The following TECRL variants were observed in gnomAD, a reference collection of about 807,000 sequenced individuals.
TECRL encodes trans-2,3-enoyl-CoA reductase-like.
Under a neutral mutation model 52.8 loss-of-function variants are expected in TECRL, and 63 were observed. That is an observed-to-expected ratio of 1.19 (90% CI 0.97 to 1.47). The LOEUF (loss-of-function observed/expected upper bound fraction) is 1.47, where lower values mean the gene tolerates loss of function less well. Ranked by LOEUF, TECRL falls within the 40% of genes most tolerant of loss-of-function variation. TECRL has a pLI of 0.00. For missense variants in TECRL, 482 were observed against 429.6 expected, an observed-to-expected ratio of 1.12 and a Z score of -1.08; for synonymous variants, 164 against 141.9, an observed-to-expected ratio of 1.16 and a Z score of -1.10.
At chr4:64,320,770 T>C (rs1717845189) in intron 4 of TECRL, among the ~76,000 whole-genome samples, 2 of 152,086 alleles carry the variant, frequency 1.3e-5, no homozygotes, top group South Asian at 4.1e-4. Flanking sequence ...CAAACACTCT[T>C]TTCTAAAATC....
chr4:64,406,135 TTTTA>T (rs1342701508), intron 1 of TECRL, among the ~76,000 whole-genome samples: 1 of 141,504 alleles, frequency 7.1e-6, no homozygotes, highest in Non-Finnish European at 1.5e-5. Context: ...GAGAAAGCTT[TTTTA>T]TTTGTTAGGC....
intron 4 of TECRL, among the ~76,000 whole-genome samples, chr4:64,316,653 CA>C (rs1717512907): frequency 6.6e-6 from 1 of 152,092 alleles, no homozygotes; most frequent in Non-Finnish European, 1.5e-5. Context: ...CAAATACAAT[CA>C]AGTAAACAGA....
In TECRL at chr4:64,305,210, G is replaced by A; in HGVS notation, c.686C>T (p.Ser229Phe). 4 of 1,612,596 alleles carry A rather than the reference G, an allele frequency of 2.5e-6. No individual in the cohort carries two copies. The highest frequency in any genetic ancestry group is 3.4e-6 in the Non-Finnish European group (4 of 1,179,144). The change falls in exon 7 of 12, where the codon TCT (serine) becomes TTT (phenylalanine). Residue 229 changes from serine (S) to phenylalanine (F), a missense_variant. Ser to Phe is a radical substitution (Grantham distance 155). Transcript: ENST00000381210. ...ATGATTAATGTAGTAGGCAATCCAA[G>A]AAGTAAATCCCCAGTAAAAGGCACA... ...MSCAFYWGFT[S>F]WIAYYINHPL...
At chr4:64,378,205 G>A (rs1270890349) in intron 1 of TECRL, among the ~76,000 whole-genome samples, 1 of 152,042 alleles carries the variant, frequency 6.6e-6, no homozygotes, top group Non-Finnish European at 1.5e-5. Flanking sequence ...GAAAATTGCC[G>A]AAAGAATCAC....
rs528646115 is a variant in TECRL, at chr4:64,399,694, A to T, written c.234+9424T>A. ...CAAAGGGACTTATGTACAGCTTGGG[A>T]TGCTGCTTCAGGGAGTGTAAGTGGT... On this transcript the variant is annotated intron_variant, in intron 1 of 11. Transcript: ENST00000381210. 1.2e-3 allele frequency among the ~76,000 whole-genome samples: 177 copies of T among 152,304 alleles called. 1 individual carries two copies. The highest frequency in any genetic ancestry group is 2.2e-3 in the Non-Finnish European group (153 of 68,028).
chr4:64,339,862 CG>C (rs1719428127), intron 2 of TECRL, among the ~76,000 whole-genome samples: 1 of 152,144 alleles, frequency 6.6e-6, no homozygotes, highest in African/African-American at 2.4e-5. Flanking sequence ...ACTATTTTCA[CG>C]ATCATAAATT....
intron 1 of TECRL, among the ~76,000 whole-genome samples, chr4:64,400,502 G>C (rs1384301905): frequency 6.6e-6 from 1 of 152,066 alleles, no homozygotes; most frequent in African/African-American, 2.4e-5. Flanking sequence ...GATTTTGGAG[G>C]GACCAAGGGC....
At chr4:64,335,796 T>C (rs2110061607) in intron 2 of TECRL, among the ~76,000 whole-genome samples, 1 of 151,320 alleles carries the variant, frequency 6.6e-6, no homozygotes. Context: ...TCTTATTAAA[T>C]GCTGCTTCAA....
chr4:64,314,334 G>T (rs146420393), intron 5 of TECRL, among the ~76,000 whole-genome samples: 146 of 151,870 alleles, frequency 9.6e-4, no homozygotes, highest in African/African-American at 3.5e-3. Flanking sequence ...TTTCAATTTT[G>T]TAATTGTAAA....
chr4:64,296,021 G>C (rs1180049091), intron 8 of TECRL, among the ~76,000 whole-genome samples: 1 of 151,944 alleles, frequency 6.6e-6, no homozygotes, highest in Non-Finnish European at 1.5e-5. Flanking sequence ...AACACACAGA[G>C]TACTAGACTT....
intron 1 of TECRL, among the ~76,000 whole-genome samples, chr4:64,381,310 A>G (rs936272724): frequency 2.0e-5 from 3 of 151,574 alleles, no homozygotes; most frequent in Non-Finnish European, 1.5e-5. Flanking sequence ...ATGTTATTAC[A>G]TATATAAGAT....
At chr4:64,295,839 C>A (rs531916723) in intron 8 of TECRL, among the ~76,000 whole-genome samples, 1 of 151,808 alleles carries the variant, frequency 6.6e-6, no homozygotes, top group Non-Finnish European at 1.5e-5. Context: ...GAGTGAAGCA[C>A]AATATTGCCA....
chr4:64,305,858 A>G (rs927435461), intron 6 of TECRL, among the ~76,000 whole-genome samples: 1 of 152,120 alleles, frequency 6.6e-6, no homozygotes, highest in African/African-American at 2.4e-5. Context: ...TTTGCCACAT[A>G]AAAGACTGAG....
chr4:64,356,261 C>T (rs556146033), intron 2 of TECRL, among the ~76,000 whole-genome samples: 8 of 152,190 alleles, frequency 5.3e-5, no homozygotes, highest in South Asian at 2.1e-4. Context: ...TCCTGGGATG[C>T]GAAAGACCTG....
chr4:64,383,653 A>T, intron 1 of TECRL, among the ~76,000 whole-genome samples: 1 of 150,436 alleles, frequency 6.6e-6, no homozygotes, highest in African/African-American at 2.4e-5. Flanking sequence ...TGTTTTTCTG[A>T]TTTATTTGTA....
chr4:64,287,904 T>C (rs2109940848), intron 9 of TECRL, among the ~76,000 whole-genome samples: 1 of 152,228 alleles, frequency 6.6e-6, no homozygotes, highest in East Asian at 1.9e-4. Context: ...CCCAGCACTT[T>C]GGGAGGCCGA....
chr4:64,330,788 A>G (rs1341016849), intron 2 of TECRL, among the ~76,000 whole-genome samples: 1 of 152,134 alleles, frequency 6.6e-6, no homozygotes, highest in Non-Finnish European at 1.5e-5. Context: ...CAAGAAAAAC[A>G]GAATTATATT....
chr4:64,289,747 A>G lies in TECRL; in HGVS notation c.795T>C (p.His265=), dbSNP rs1321246613. 3 of 1,550,144 alleles carry G rather than the reference A, an allele frequency of 1.9e-6. No homozygotes were observed. The highest frequency in any genetic ancestry group is 2.8e-5 in the African/African-American group (2 of 70,522). ...GATGAGACAACATTACATTGATGAA[A>G]TGATTCCCAGCTTCACAAATCTGCA... ...INFLICEAGN[H]FINVMLSHPN... The change falls in exon 9 of 12, where the codon CAT becomes CAC. Residue 265 remains histidine, a synonymous_variant. Transcript: ENST00000381210.
chr4:64,351,359 C>G (rs1432877355), intron 2 of TECRL, among the ~76,000 whole-genome samples: 2 of 151,776 alleles, frequency 1.3e-5, no homozygotes, highest in Non-Finnish European at 1.5e-5. Context: ...GGATGGCTCA[C>G]TTCAGCCTTG....
Sources: allele counts gnomAD v4.1 joint callset (sites outside exome capture counted in the v4.1 genomes callset), GRCh38; gene constraint gnomAD v4.1.1; transcripts MANE v1.5; gene names NCBI Gene and HGNC (gene_info 2026-07-23, HGNC 2026-07-21).